The following TRIM27 variants were observed in gnomAD, a reference collection of about 807,000 sequenced individuals.
TRIM27 encodes tripartite motif containing 27.
A neutral mutation model predicts 57.6 loss-of-function variants in TRIM27; 12 were observed. The ratio of observed to expected loss-of-function variants is 0.21; its 90% confidence interval spans 0.13 to 0.34. The LOEUF (loss-of-function observed/expected upper bound fraction) is 0.34, where lower values mean the gene tolerates loss of function less well. Among genes scored for constraint, TRIM27 ranks in the 10% least tolerant of loss-of-function variants. The pLI is 1.00. For missense variants in TRIM27, 403 were observed against 656.8 expected (o/e 0.61, Z 4.22); for synonymous variants, 266 against 259.0 (o/e 1.03, Z -0.26).
chr6:28,918,575 T>C (rs1773790025), intron 3 of TRIM27, among the ~76,000 whole-genome samples: 1 of 152,194 alleles, frequency 6.6e-6, no homozygotes, highest in Non-Finnish European at 1.5e-5. Context: ...TTCTGATTTT[T>C]ACCATTTAAA....
chr6:28,910,284 A>G lies in TRIM27; in HGVS notation c.771-1196T>C, dbSNP rs114189634. Among the ~76,000 whole-genome samples, 1,325 of 152,182 alleles carry G rather than the reference A, an allele frequency of 8.7e-3. 26 individuals carry two copies. The highest frequency in any genetic ancestry group is 0.03 in the African/African-American group (1,258 of 41,538). On this transcript the variant is annotated intron_variant, in intron 4 of 7. Coordinates refer to ENST00000377199, the MANE Select transcript of TRIM27 (RefSeq NM_006510.5). ...GAAGAAACCTGAGTCTCTGAGGATC[A>G]CTGGAGTTACCACACTAGCCACAGA...
chr6:28,914,589 G>C (rs1439013547), intron 3 of TRIM27, among the ~76,000 whole-genome samples: 1 of 100,884 alleles, frequency 9.9e-6, no homozygotes, highest in Non-Finnish European at 1.9e-5. Context: ...GGTGGGGGGG[G>C]GGGGATGAGG....
intron 3 of TRIM27, among the ~76,000 whole-genome samples, chr6:28,913,629 A>T (rs980024795): frequency 2.6e-5 from 4 of 152,068 alleles, no homozygotes; most frequent in Middle Eastern, 3.2e-3. Context: ...AATTTTTGCT[A>T]TTGTAACGAG....
Position 28,904,585 on chromosome 6 carries a change from G to A in TRIM27, c.1027C>T (p.Leu343Phe), listed in dbSNP as rs1562145779. ...DNLRQVRYSY[L>F]QQDLPDNPER... ...GGGTTGTCAGGCAGGTCCTGTTGGAGGTAACTGTACCGCACTTGCCGCAGA... is the reference window on the plus strand; with the variant it reads ...GGGTTGTCAGGCAGGTCCTGTTGGAAGTAACTGTACCGCACTTGCCGCAGA... The change falls in exon 8 of 8, where the codon CTC (leucine) becomes TTC (phenylalanine). Residue 343 changes from leucine (L) to phenylalanine (F), a missense_variant. Coordinates refer to ENST00000377199, the MANE Select transcript of TRIM27 (RefSeq NM_006510.5). The surrounding 1 kb of genome is among the most constrained non-coding windows in gnomAD (Gnocchi z 6.1). 1.2e-6 allele frequency: 2 copies of A among 1,608,392 alleles called. No individual in the cohort carries two copies. Among genetic ancestry groups the A allele is most frequent in the South Asian group, 2.2e-5 (2 of 91,070 alleles).
chr6:28,916,085 T>G (rs1773578874), intron 3 of TRIM27, among the ~76,000 whole-genome samples: 1 of 151,716 alleles, frequency 6.6e-6, no homozygotes, highest in Admixed American at 6.6e-5. Flanking sequence ...CCTGGCTAAT[T>G]TTTGTATTTT....
In TRIM27 at chr6:28,904,212, C is replaced by T. The variant is rs1428044247; in HGVS notation, c.1400G>A (p.Cys467Tyr). The change falls in exon 8 of 8, where the codon TGT becomes TAT. Residue 467 changes from cysteine (C) to tyrosine (Y), a missense_variant. Physicochemically the swap from Cys to Tyr is radical, Grantham distance 194 (BLOSUM62 -2). Transcript: ENST00000377199. This position sits in a 1 kb window ranked among gnomAD's most constrained non-coding sequence, Gnocchi z 6.1. Reference protein sequence around the residue: ...HTFTFSHATFCGPVRPYFSLS... With the variant: ...HTFTFSHATFYGPVRPYFSLS... ...ACTGAAGTAGGGCCGGACAGGCCCA[C>T]AAAAGGTAGCATGAGAGAAAGTGAA... is the stretch of plus-strand genomic sequence containing the variant. 6.2e-7 allele frequency: 1 copy of T among 1,613,090 alleles called. No individual in the cohort carries two copies. Among genetic ancestry groups the T allele is most frequent in the African/African-American group, 1.3e-5 (1 of 75,046 alleles).
chr6:28,919,886 T>C, intron 3 of TRIM27, 126 bp downstream of exon 3: 1 of 842,624 alleles, frequency 1.2e-6, no homozygotes, highest in Non-Finnish European at 1.8e-6. Flanking sequence ...CAATATAGAG[T>C]TTGGCAAGCT....
At chr6:28,912,887 T>G (rs562497916) in intron 3 of TRIM27, among the ~76,000 whole-genome samples, 1 of 152,346 alleles carries the variant, frequency 6.6e-6, no homozygotes, top group South Asian at 2.1e-4. Context: ...TGTATTGGGA[T>G]ATCCATCACA....
At chr6:28,919,161 C>T (rs1490071395) in intron 3 of TRIM27, among the ~76,000 whole-genome samples, 1 of 152,062 alleles carries the variant, frequency 6.6e-6, no homozygotes, top group Admixed American at 6.5e-5. Flanking sequence ...TACAGGCACA[C>T]CGCCATGCCT....
At chr6:28,919,852 TAC>T (rs1262411306) in intron 3 of TRIM27, among the ~76,000 whole-genome samples, 158 bp downstream of exon 3, 1 of 152,264 alleles carries the variant, frequency 6.6e-6, no homozygotes, top group Non-Finnish European at 1.5e-5. Flanking sequence ...ACTTCTAGTT[TAC>T]ACAGTTTCCT....
chr6:28,911,506 A>T, intron 4 of TRIM27, 190 bp downstream of exon 4: 1 of 587,320 alleles, frequency 1.7e-6, no homozygotes, highest in Non-Finnish European at 2.9e-6. Flanking sequence ...TGAACCCCCT[A>T]CTTCCTGAAT....
At chr6:28,920,883 C>T (rs914163272) in intron 2 of TRIM27, among the ~76,000 whole-genome samples, 4 of 152,194 alleles carry the variant, frequency 2.6e-5, no homozygotes, top group Admixed American at 6.5e-5. Flanking sequence ...CCCAATTTCC[C>T]TGGGCCCTTC....
chr6:28,921,179 G>C (rs572764662), intron 2 of TRIM27, among the ~76,000 whole-genome samples: 1 of 152,000 alleles, frequency 6.6e-6, no homozygotes, highest in African/African-American at 2.4e-5. Context: ...TCGGGAGTTC[G>C]AGACCAGCCT....
At chr6:28,911,675 T>G in intron 4 of TRIM27, 21 bp downstream of exon 4, 1 of 1,609,530 alleles carries the variant, frequency 6.2e-7, no homozygotes, top group Non-Finnish European at 8.5e-7. Context: ...GATTTAACAC[T>G]AGGGAAACAG....
rs141787804 is a variant in TRIM27, at chr6:28,920,060, G to A, written c.699C>T (p.Ile233=). 1.2e-5 allele frequency: 19 copies of A among 1,613,992 alleles called. No individual in the cohort carries two copies. The highest frequency in any genetic ancestry group is 4.5e-5 in the East Asian group (2 of 44,898). The change falls in exon 3 of 8, where the codon ATC becomes ATT. Residue 233 remains isoleucine (I), a synonymous_variant. Transcript: ENST00000377199. ...SCNISHLSSL[I]AQLEEKQQQP... ...GCTGCTGCTTCTCTTCTAGCTGAGC[G>A]ATCAGGCTGCTGAGGTGGGAGATGT...
chr6:28,913,269 A>AATATATATATATATATATAT (rs1219781094), intron 3 of TRIM27, among the ~76,000 whole-genome samples: 1 of 135,584 alleles, frequency 7.4e-6, no homozygotes, highest in Non-Finnish European at 1.5e-5. Flanking sequence ...AAAAAAAAAA[A>AATATATATATATATATATAT]ATATATATAT....
rs191193351 is a variant in TRIM27, at chr6:28,920,280, C to T, written c.517-38G>A. On this transcript the variant is annotated intron_variant, in intron 2 of 7. Transcript: ENST00000377199. Reference sequence around the variant, plus strand: ...CAGGGAAAGGCAGTAAAGAGAAAAACGGCTCATTTCTAGGGCCTTCATAGT... The same window carrying T: ...CAGGGAAAGGCAGTAAAGAGAAAAATGGCTCATTTCTAGGGCCTTCATAGT... 151 of 1,530,704 alleles carry T rather than the reference C, an allele frequency of 9.9e-5. 2 individuals carry two copies. The highest frequency in any genetic ancestry group is 5.5e-4 in the African/African-American group (40 of 72,558). The allele number at this position is 1,530,704 out of a possible 1,614,324, so 94.8% of individuals were successfully genotyped here.
rs1773916585 is a variant in TRIM27 at position 28,920,184 on chromosome 6, G to T, written c.575C>A (p.Ser192Tyr). ...GAGGCGATACTCATGCTCCTTTAAG[G>T]AGTGATACAGCTGCTCAAACTCCCA... Reference protein sequence around the residue: ...IVWEFEQLYHSLKEHEYRLLA... With the variant: ...IVWEFEQLYHYLKEHEYRLLA... The change falls in exon 3 of 8, where the codon TCC becomes TAC. Residue 192 changes from serine to tyrosine, a missense_variant. Coordinates refer to ENST00000377199, the MANE Select transcript of TRIM27 (RefSeq NM_006510.5). The T allele has an allele frequency of 6.2e-7, 1 of 1,613,970 alleles. No individual in the cohort carries two copies. The highest frequency in any genetic ancestry group is 1.3e-5 in the African/African-American group (1 of 74,932).
chr6:28,919,496 T>A (rs1478026050), intron 3 of TRIM27, among the ~76,000 whole-genome samples: 1 of 152,218 alleles, frequency 6.6e-6, no homozygotes, highest in Non-Finnish European at 1.5e-5. Flanking sequence ...GCTCATTTCC[T>A]GTAGTCTTGC....
Sources: allele counts gnomAD v4.1 joint callset (sites outside exome capture counted in the v4.1 genomes callset), GRCh38; gene constraint gnomAD v4.1.1; non-coding constraint Gnocchi (gnomAD v3.1); transcripts MANE v1.5; gene names NCBI Gene and HGNC (gene_info 2026-07-23, HGNC 2026-07-21).